SERPIND1: variants seen among roughly 807,000 people sequenced by gnomAD.
The protein encoded by SERPIND1 is heparin cofactor 2.
In SERPIND1, 34 loss-of-function variants were observed where a neutral mutation model predicts 35.0. The ratio of observed to expected loss-of-function variants is 0.97; its 90% CI spans 0.74 to 1.29. The LOEUF (loss-of-function observed/expected upper bound fraction) is 1.29. SERPIND1 is among the 50% of genes most tolerant of loss of function. The probability of loss-of-function intolerance (pLI) is 0.00; values close to 1 mark genes in which losing one functional copy is unlikely to be tolerated. For missense variants in SERPIND1, 633 were observed against 637.7 expected (o/e 0.99, Z 0.08); for synonymous variants, 236 against 241.1 (o/e 0.98, Z 0.19).
intron 2 of SERPIND1, among the ~76,000 whole-genome samples, chr22:20,782,163 A>G (rs886470864): frequency 2.0e-5 from 3 of 152,192 alleles, no homozygotes; most frequent in African/African-American, 7.2e-5. Flanking sequence ...GAGCCCCCCA[A>G]GTACACCAAA....
intron 3 of SERPIND1, among the ~76,000 whole-genome samples, chr22:20,784,999 G>A (rs919053749): frequency 3.3e-5 from 5 of 151,376 alleles, no homozygotes; most frequent in African/African-American, 4.9e-5. Flanking sequence ...CCTTAACAAC[G>A]TCCCTTCTGT....
At chr22:20,783,481 C>T (rs970458447) in intron 2 of SERPIND1, among the ~76,000 whole-genome samples, 1 of 149,908 alleles carries the variant, frequency 6.7e-6, no homozygotes, top group Non-Finnish European at 1.5e-5. Context: ...CCAGGCGTGG[C>T]ATGTGCTTGT....
intron 4 of SERPIND1, among the ~76,000 whole-genome samples, chr22:20,786,575 C>T (rs923807378): frequency 6.6e-6 from 1 of 152,220 alleles, no homozygotes; most frequent in Non-Finnish European, 1.5e-5. Context: ...AGTTCCCCAT[C>T]CCGGAGAAGT....
intron 3 of SERPIND1, among the ~76,000 whole-genome samples, chr22:20,785,507 C>A (rs1454792505): frequency 6.6e-6 from 1 of 152,252 alleles, no homozygotes; most frequent in Non-Finnish European, 1.5e-5. Flanking sequence ...GCCAGACTAA[C>A]TCCACAGGCA....
rs753103932 is a variant in SERPIND1 at position 20,779,592 on chromosome 22, G to A, written c.280G>A (p.Asp94Asn). ...KIFSEDDDYI[D>N]IVDSLSVSPT... ...ATTCAGTGAAGACGACGACTACATC[G>A]ACATCGTCGACAGTCTGTCAGTTTC... The change falls in exon 2 of 5, where the codon GAC (aspartate) becomes AAC (asparagine). Residue 94 changes from aspartate to asparagine, a missense_variant. By Grantham distance (23) the Asp-to-Asn change is conservative (BLOSUM62 1). Coordinates refer to ENST00000215727, the MANE Select transcript of SERPIND1 (RefSeq NM_000185.4). 6.2e-6 allele frequency: 10 copies of A among 1,614,040 alleles called. No individual in the cohort carries two copies. The highest frequency in any genetic ancestry group is 6.8e-6 in the Non-Finnish European group (8 of 1,180,006).
Position 20,787,189 on chromosome 22 carries a change from G to A in SERPIND1, c.*123G>A, listed in dbSNP as rs1934316266. The stretch of plus-strand genomic sequence containing the variant: ...TTTACGCTACCAATCTGAATTCGAG[G>A]CCCATATGAGAGGAGCTTAGAAACG... On this transcript the variant is annotated 3_prime_UTR_variant, in exon 5 of 5. Transcript: ENST00000215727. The A allele has an allele frequency of 1.1e-6, 1 of 890,398 alleles. No individual in the cohort carries two copies. The allele number at this position is 890,398 out of a possible 1,614,324, so 55.2% of individuals were successfully genotyped here. A position where few individuals can be genotyped will look rare whatever the true frequency, so the allele number is the denominator to read the frequency against.
At chr22:20,776,623 A>C (rs764648897) in intron 1 of SERPIND1, among the ~76,000 whole-genome samples, 1 of 152,188 alleles carries the variant, frequency 6.6e-6, no homozygotes, top group Non-Finnish European at 1.5e-5. Flanking sequence ...GGGAGTCTGG[A>C]AGCATCCTGG....
Position 20,782,401 on chromosome 22 carries a change from A to G in SERPIND1, c.890-1571A>G, listed in dbSNP as rs150329343. Among the ~76,000 whole-genome samples the G allele has an allele frequency of 6.7e-3, 1,025 of 152,354 alleles. 12 individuals are homozygous for G. Among genetic ancestry groups the G allele is most frequent in the Non-Finnish European group, 0.01 (710 of 68,034 alleles). On this transcript the variant is annotated intron_variant, in intron 2 of 4. Coordinates refer to ENST00000215727, the MANE Select transcript of SERPIND1 (RefSeq NM_000185.4). ...TCAATGCCGGGCATCACAAGGGATCAAATGCTAGGAGTACCCAATCATTCA... is the reference window on the plus strand; with the variant it reads ...TCAATGCCGGGCATCACAAGGGATCGAATGCTAGGAGTACCCAATCATTCA...
chr22:20,786,891 C>G lies in SERPIND1; in HGVS notation c.1325C>G (p.Thr442Arg). ...IAIDLFKHQG[T>R]ITVNEEGTQA... ...TCCAAACAGTTCAAGCACCAAGGCA[C>G]GATCACAGTGAACGAGGAAGGCACC... The change falls in exon 5 of 5, where the codon ACG (threonine) becomes AGG (arginine). Residue 442 changes from threonine to arginine, a missense_variant. By Grantham distance (71) the Thr-to-Arg change is moderately conservative (BLOSUM62 -1). Transcript: ENST00000215727. 6.2e-7 allele frequency: 1 copy of G among 1,614,166 alleles called. No homozygotes were observed. The highest frequency in any genetic ancestry group is 8.5e-7 in the Non-Finnish European group (1 of 1,180,040).
chr22:20,780,754 C>T (rs977607831), intron 2 of SERPIND1, among the ~76,000 whole-genome samples: 4 of 117,650 alleles, frequency 3.4e-5, no homozygotes, highest in East Asian at 2.9e-4. Context: ...CTAGCCTGGA[C>T]GACAGAGTGA....
Position 20,787,464 on chromosome 22 carries a change from G to A in SERPIND1, c.*398G>A, listed in dbSNP as rs1374850518. ...CTGAATACCAAGCACAGAAATGAGT[G>A]GTGTGACTAATTCCTTACCTCTCCC... is the stretch of plus-strand genomic sequence containing the variant. On this transcript the variant is annotated 3_prime_UTR_variant, in exon 5 of 5. Coordinates refer to ENST00000215727, the MANE Select transcript of SERPIND1 (RefSeq NM_000185.4). 3.0e-6 allele frequency: 1 copy of A among 332,578 alleles called. No homozygotes were observed. Among genetic ancestry groups the A allele is most frequent in the Non-Finnish European group, 5.8e-6 (1 of 171,894 alleles). 20.6% of individuals were successfully genotyped at this position (332,578 alleles called of 1,614,324 possible).
intron 1 of SERPIND1, chr22:20,779,059 A>C: frequency 1.1e-6 from 1 of 906,140 alleles, no homozygotes; most frequent in South Asian, 1.8e-5. Flanking sequence ...ACCTTTAAAG[A>C]AGGGATTTTC....
chr22:20,776,549 G>C (rs1216647471), intron 1 of SERPIND1, among the ~76,000 whole-genome samples: 4 of 152,146 alleles, frequency 2.6e-5, no homozygotes, highest in Admixed American at 2.6e-4. Context: ...AGTATTATAA[G>C]GGGAAGACCC....
Position 20,779,692 on chromosome 22 carries a change from A to C in SERPIND1, c.380A>C (p.Asn127Thr). The part of the protein sequence containing the change: ...FHGKSRIQRL[N>T]ILNAKFAFNL... ...GGCAAGAGCCGGATCCAGCGTCTTA[A>C]CATCCTCAACGCCAAGTTCGCTTTC... Residue 127 changes from asparagine to threonine, a missense_variant, in exon 2 of 5, where the codon AAC becomes ACC. Physicochemically the swap from Asn to Thr is moderately conservative, Grantham distance 65. Transcript: ENST00000215727. 2 of 1,614,242 alleles carry C rather than the reference A, an allele frequency of 1.2e-6. No homozygotes were observed. Among genetic ancestry groups the C allele is most frequent in the Non-Finnish European group, 1.7e-6 (2 of 1,180,038 alleles).
In SERPIND1 at chr22:20,786,901, G is replaced by C. The variant is rs1406576445; in HGVS notation, c.1335G>C (p.Val445=). The change falls in exon 5 of 5, where the codon GTG becomes GTC. Residue 445 remains valine (V), a synonymous_variant. Coordinates refer to ENST00000215727, the MANE Select transcript of SERPIND1 (RefSeq NM_000185.4). Reference sequence around the variant, plus strand: ...TCAAGCACCAAGGCACGATCACAGTGAACGAGGAAGGCACCCAAGCCACCA... The same window carrying C: ...TCAAGCACCAAGGCACGATCACAGTCAACGAGGAAGGCACCCAAGCCACCA... ...DLFKHQGTIT[V]NEEGTQATTV... is the part of the protein sequence containing the mutation. 1 of 1,614,164 alleles carries C rather than the reference G, an allele frequency of 6.2e-7. No homozygotes were observed.
Position 20,780,864 on chromosome 22 carries a change from C to T in SERPIND1, c.889+663C>T, listed in dbSNP as rs548879661. ...CAAAGCTGAACCCAGGGAGGCCAAC[C>T]CTAGCAATCTGTTAAATTGGAAGAA... On this transcript the variant is annotated intron_variant, in intron 2 of 4. Transcript: ENST00000215727. Among the ~76,000 whole-genome samples the T allele has an allele frequency of 5.9e-5, 9 of 151,976 alleles. No homozygotes were observed. In the South Asian group the frequency reaches 1.9e-3, roughly 32 times the overall value.
At chr22:20,785,939 A>C in intron 3 of SERPIND1, 65 bp from the exon 4 acceptor site, 1 of 1,591,166 alleles carries the variant, frequency 6.3e-7, no homozygotes, top group Non-Finnish European at 8.6e-7. Flanking sequence ...TTTAAAGGGA[A>C]AATCATGATT....
intron 1 of SERPIND1, among the ~76,000 whole-genome samples, chr22:20,775,948 G>A (rs151037998): frequency 2.6e-5 from 4 of 152,330 alleles, no homozygotes; most frequent in Non-Finnish European, 5.9e-5. Flanking sequence ...TATGTAAAAT[G>A]CTGGGAGGAT....
At chr22:20,784,300 G>T in intron 3 of SERPIND1, 55 bp downstream of exon 3, 1 of 1,610,692 alleles carries the variant, frequency 6.2e-7, no homozygotes, top group Non-Finnish European at 8.5e-7. Context: ...GGGGTGTCTG[G>T]GAATACTGGA....
Sources: allele counts gnomAD v4.1 joint callset (sites outside exome capture counted in the v4.1 genomes callset), GRCh38; gene constraint gnomAD v4.1.1; transcripts MANE v1.5; gene names NCBI Gene and HGNC (gene_info 2026-07-23, HGNC 2026-07-21).